Variants in TLR5 observed in about 807,000 individuals in gnomAD.
TLR5 encodes toll-like receptor 5.
For missense variants in TLR5, 944 were observed against 999.8 expected (o/e 0.94, Z 0.75); for synonymous variants, 373 against 384.4 (o/e 0.97, Z 0.35).
intron 5 of TLR5, chr1:223,127,800 C>T (rs902658146): frequency 3.3e-5 from 5 of 152,366 alleles, no homozygotes; most frequent in African/African-American, 1.2e-4. Context: ...CGTCCTAGGC[C>T]TGGGCTCCCA....
intron 5 of TLR5, among the ~76,000 whole-genome samples, chr1:223,118,234 T>C (rs927662098): frequency 6.6e-6 from 1 of 152,194 alleles, no homozygotes; most frequent in Non-Finnish European, 1.5e-5. Flanking sequence ...ATTTTTCTAA[T>C]TGGCAATTGG....
intron 5 of TLR5, among the ~76,000 whole-genome samples, chr1:223,116,290 G>A (rs907059281): frequency 6.6e-6 from 1 of 152,038 alleles, no homozygotes; most frequent in African/African-American, 2.4e-5. Flanking sequence ...ATGTTTGGAC[G>A]TGTTCGGAGT....
At chr1:223,133,003 G>T (rs965942246) in intron 4 of TLR5, among the ~76,000 whole-genome samples, 2 of 152,308 alleles carry the variant, frequency 1.3e-5, no homozygotes, top group Non-Finnish European at 2.9e-5. Flanking sequence ...TGTCCAGTGA[G>T]CAGAGAACTT....
intron 5 of TLR5, among the ~76,000 whole-genome samples, chr1:223,118,974 C>T (rs1263292913): frequency 2.0e-5 from 3 of 152,090 alleles, no homozygotes; most frequent in Middle Eastern, 3.4e-3. Context: ...CATGGTGGCA[C>T]GTGTCTGAAA....
At chr1:223,126,599 G>T (rs1175356568) in intron 5 of TLR5, among the ~76,000 whole-genome samples, 2 of 152,162 alleles carry the variant, frequency 1.3e-5, no homozygotes, top group East Asian at 3.8e-4. Context: ...ACAGGCCTCT[G>T]AGGCCTGGAA....
At position 223,109,591 on chromosome 1, in the gene TLR5, G is replaced by A. The variant is rs1323330764; in HGVS notation, c.*864C>T. On this transcript the variant is annotated 3_prime_UTR_variant, in exon 6 of 6. Coordinates refer to ENST00000642603, the MANE Select transcript of TLR5 (RefSeq NM_003268.6). ...ACAGGAATTCTATGACATAGATGCT[G>A]TTACGTGAGAAAATGTAGGTCCAGC... The A allele has an allele frequency of 6.6e-6, 1 of 152,158 alleles. No homozygotes were observed. Among genetic ancestry groups the A allele is most frequent in the Non-Finnish European group, 1.5e-5 (1 of 68,032 alleles). The allele number at this position is 152,158 out of a possible 1,614,324, so 9.4% of individuals were successfully genotyped here. A position where few individuals can be genotyped will look rare whatever the true frequency, so the allele number is the denominator to read the frequency against.
intron 2 of TLR5, among the ~76,000 whole-genome samples, chr1:223,139,402 G>A (rs1488348449): frequency 6.6e-6 from 1 of 152,222 alleles, no homozygotes; most frequent in East Asian, 1.9e-4. Flanking sequence ...CCATAAGAGG[G>A]TGTGATAAAT....
At chr1:223,123,850 T>C (rs1438774824) in intron 5 of TLR5, 1 of 152,214 alleles carries the variant, frequency 6.6e-6, no homozygotes, top group Non-Finnish European at 1.5e-5. Flanking sequence ...CTGTTGAGGT[T>C]GCCGCTGCAA....
rs772316321 is a variant in TLR5 at position 223,131,523 on chromosome 1, A to C, written c.-5+952T>G. On this transcript the variant is annotated intron_variant, in intron 5 of 5. Transcript: ENST00000642603. This position sits in a 1 kb window ranked among gnomAD's most constrained non-coding sequence, Gnocchi z 4.2. ...CTCAGAAGCCACCTCTGCCATGAGAATTCTACATGCACTTCTCACACTTCT... is the reference window on the plus strand; with the variant it reads ...CTCAGAAGCCACCTCTGCCATGAGACTTCTACATGCACTTCTCACACTTCT... Among the ~76,000 whole-genome samples, 4 of 152,208 alleles carry C rather than the reference A, an allele frequency of 2.6e-5. No individual in the cohort carries two copies. The highest frequency in any genetic ancestry group is 1.3e-4 in the Admixed American group (2 of 15,278).
intron 1 of TLR5, among the ~76,000 whole-genome samples, chr1:223,142,101 T>C (rs896630769): frequency 6.6e-6 from 1 of 152,074 alleles, no homozygotes; most frequent in African/African-American, 2.4e-5. Flanking sequence ...CCAAGAGATC[T>C]TGGACGCACT....
intron 5 of TLR5, among the ~76,000 whole-genome samples, chr1:223,116,467 A>G (rs909736450): frequency 1.3e-5 from 2 of 152,122 alleles, no homozygotes; most frequent in Non-Finnish European, 2.9e-5. Flanking sequence ...GGCCTCAGGA[A>G]TTAAGCTGCA....
At position 223,140,312 on chromosome 1, in the gene TLR5, C is replaced by G. The variant is rs556737256; in HGVS notation, c.-439+1336G>C. Among the ~76,000 whole-genome samples the G allele has an allele frequency of 2.0e-5, 3 of 152,206 alleles. No individual in the cohort carries two copies. In the East Asian group the frequency reaches 5.8e-4, roughly 29 times the overall value. On this transcript the variant is annotated intron_variant, in intron 2 of 5. Coordinates refer to ENST00000642603, the MANE Select transcript of TLR5 (RefSeq NM_003268.6). Reference sequence around the variant, plus strand: ...CTGTAATCCTAGCACTTTGGGAGGCCAAGGCAGGTGGATCACCTGAGGTCA... The same window carrying G: ...CTGTAATCCTAGCACTTTGGGAGGCGAAGGCAGGTGGATCACCTGAGGTCA...
chr1:223,137,610 C>G (rs1399152174), intron 2 of TLR5, among the ~76,000 whole-genome samples: 1 of 152,134 alleles, frequency 6.6e-6, no homozygotes, highest in East Asian at 1.9e-4. Flanking sequence ...AATACCATGA[C>G]TTTGGCAATT....
chr1:223,142,454 C>T (rs955863155), intron 1 of TLR5, among the ~76,000 whole-genome samples: 3 of 152,208 alleles, frequency 2.0e-5, no homozygotes, highest in Admixed American at 2.0e-4. Flanking sequence ...CGATTCCCAC[C>T]CAACAGGGCC....
rs1361239275 is a variant in TLR5 at position 223,112,457 on chromosome 1, G to T, written c.575C>A (p.Pro192His). 2 of 1,614,196 alleles carry T rather than the reference G, an allele frequency of 1.2e-6. No individual in the cohort carries two copies. The highest frequency in any genetic ancestry group is 1.7e-6 in the Non-Finnish European group (2 of 1,180,038). Residue 192 changes from proline (P) to histidine (H), a missense_variant, in exon 6 of 6, where the codon CCC (proline) becomes CAC (histidine). By Grantham distance (77) the Pro-to-His change is moderately conservative (BLOSUM62 -2). Transcript: ENST00000642603. ...AAAGGAGAGCGTTTTCCCTTGTAGG[G>T]GCTCGAGCTCATGTTCACATACAAG... The part of the protein sequence containing the change: ...IFLVCEHELE[P>H]LQGKTLSFFS...
intron 5 of TLR5, among the ~76,000 whole-genome samples, chr1:223,116,847 A>T (rs963179136): frequency 6.6e-6 from 1 of 152,180 alleles, no homozygotes; most frequent in Non-Finnish European, 1.5e-5. Context: ...TCCTCTACCT[A>T]GACATAAAAG....
At chr1:223,120,241 AT>A (rs1656896445) in intron 5 of TLR5, among the ~76,000 whole-genome samples, 1 of 152,072 alleles carries the variant, frequency 6.6e-6, no homozygotes, top group African/African-American at 2.4e-5. Flanking sequence ...TGAAAGAGAC[AT>A]TTACCATCTA....
At position 223,110,325 on chromosome 1, in the gene TLR5, T is replaced by C; in HGVS notation, c.*130A>G. 1.1e-6 allele frequency: 1 copy of C among 895,120 alleles called. No individual in the cohort carries two copies. Among genetic ancestry groups the C allele is most frequent in the Non-Finnish European group, 1.7e-6 (1 of 574,626 alleles). The allele number at this position is 895,120 out of a possible 1,614,324, so 55.4% of individuals were successfully genotyped here. ...TGGTGTTGATACGAAAATTGAGAGA[T>C]TTATGTTGTTTTCATAGTAGCAAAA... On this transcript the variant is annotated 3_prime_UTR_variant, in exon 6 of 6. Transcript: ENST00000642603.
At position 223,110,795 on chromosome 1, in the gene TLR5, T is replaced by C. The variant is rs768038121; in HGVS notation, c.2237A>G (p.Asp746Gly). 11 of 1,614,136 alleles carry C rather than the reference T, an allele frequency of 6.8e-6. No individual in the cohort carries two copies. Among genetic ancestry groups the C allele is most frequent in the Admixed American group, 6.7e-5 (4 of 60,016 alleles). ...GATCTTTCTACTGTTCCAGATGGCA[T>C]CCTGGATATTGGCAATGCGGTTTTC... The part of the protein sequence containing the change: ...PGENRIANIQ[D>G]AIWNSRKIVC... Residue 746 changes from aspartate (D) to glycine (G), a missense_variant, in exon 6 of 6, where the codon GAT (aspartate) becomes GGT (glycine). Asp to Gly is a moderately conservative substitution (Grantham distance 94). Coordinates refer to ENST00000642603, the MANE Select transcript of TLR5 (RefSeq NM_003268.6).
Sources: allele counts gnomAD v4.1 joint callset (sites outside exome capture counted in the v4.1 genomes callset), GRCh38; gene constraint gnomAD v4.1.1; non-coding constraint Gnocchi (gnomAD v3.1); transcripts MANE v1.5; gene names NCBI Gene and HGNC (gene_info 2026-07-23, HGNC 2026-07-21).